MAPK10: variants seen among roughly 807,000 people sequenced by gnomAD.
MAPK10 encodes the protein JNK3 alpha protein kinase.
MAPK10 carries 25 observed loss-of-function variants against 59.3 expected under a neutral mutation model. That is an observed-to-expected ratio of 0.42 (90% CI 0.31 to 0.59). The LOEUF is 0.59. Ranked by LOEUF, MAPK10 falls within the 20% of genes least tolerant of loss-of-function variation. The pLI is 0.15. For synonymous variants in MAPK10, 190 were observed against 200.5 expected, an observed-to-expected ratio of 0.95 and a Z score of 0.44; for missense variants, 351 against 568.9, an observed-to-expected ratio of 0.62 and a Z score of 3.90.
chr4:86,306,430 T>A (rs1385959128), intron 2 of MAPK10, among the ~76,000 whole-genome samples: 1 of 152,226 alleles, frequency 6.6e-6, no homozygotes, highest in Non-Finnish European at 1.5e-5. Flanking sequence ...TGCACATTTC[T>A]TGCAAGTATC....
chr4:86,279,513 T>C (rs1172010572), intron 2 of MAPK10, among the ~76,000 whole-genome samples: 1 of 152,144 alleles, frequency 6.6e-6, no homozygotes, highest in African/African-American at 2.4e-5. Context: ...TAAAAATAAA[T>C]GAGTTAATAT....
At chr4:86,225,408 G>A (rs1398520621) in intron 2 of MAPK10, among the ~76,000 whole-genome samples, 2 of 152,176 alleles carry the variant, frequency 1.3e-5, no homozygotes, top group African/African-American at 4.8e-5. Flanking sequence ...GTCACAATCT[G>A]TTGCTGTAGG....
intron 9 of MAPK10, among the ~76,000 whole-genome samples, chr4:86,087,396 G>A (rs183947076): frequency 5.9e-5 from 9 of 152,110 alleles, no homozygotes; most frequent in Non-Finnish European, 1.2e-4. Flanking sequence ...ATGCCCAAAG[G>A]CCAAACACAA....
At chr4:86,421,768 T>C (rs1438554098) in intron 1 of MAPK10, among the ~76,000 whole-genome samples, 1 of 151,942 alleles carries the variant, frequency 6.6e-6, no homozygotes, top group East Asian at 1.9e-4. Flanking sequence ...CCAGAGTGAG[T>C]TTTTAAAAGC....
chr4:86,424,011 T>C (rs1746930354), intron 1 of MAPK10, among the ~76,000 whole-genome samples: 1 of 151,930 alleles, frequency 6.6e-6, no homozygotes, highest in Admixed American at 6.6e-5. Context: ...GAAGTGCCTG[T>C]AAGAGATCAT....
At chr4:86,167,028 T>G (rs1339246736) in intron 3 of MAPK10, among the ~76,000 whole-genome samples, 1 of 151,838 alleles carries the variant, frequency 6.6e-6, no homozygotes, top group Non-Finnish European at 1.5e-5. Context: ...AATAAAAAAG[T>G]GATAAAGGGG....
At chr4:86,479,728 A>G (rs965223422) in intron 1 of MAPK10, among the ~76,000 whole-genome samples, 5 of 152,114 alleles carry the variant, frequency 3.3e-5, no homozygotes, top group Admixed American at 2.0e-4. Context: ...TAGATGTCCT[A>G]GGTCCTCCCA....
At chr4:86,533,298 G>A (rs953170571) in intron 1 of MAPK10, among the ~76,000 whole-genome samples, 1 of 152,044 alleles carries the variant, frequency 6.6e-6, no homozygotes, top group African/African-American at 2.4e-5. Flanking sequence ...TTTCAGCATG[G>A]GATGAAGAAA....
intron 1 of MAPK10, among the ~76,000 whole-genome samples, chr4:86,398,088 G>T (rs1341753178): frequency 3.3e-5 from 5 of 151,976 alleles, no homozygotes; most frequent in Non-Finnish European, 7.4e-5. Flanking sequence ...GGTGAGAAGA[G>T]ACAGGCGCAC....
chr4:86,526,907 A>T (rs1283957328), intron 1 of MAPK10, among the ~76,000 whole-genome samples: 2 of 152,096 alleles, frequency 1.3e-5, no homozygotes, highest in East Asian at 3.9e-4. Context: ...TTTTTATTCC[A>T]CTCTGGGCCA....
At chr4:86,180,687 T>A (rs1159478866) in intron 3 of MAPK10, among the ~76,000 whole-genome samples, 1 of 152,008 alleles carries the variant, frequency 6.6e-6, no homozygotes. Context: ...AATGAAATCC[T>A]GTCATTCTCA....
At chr4:86,184,082 C>T (rs919389966) in intron 3 of MAPK10, among the ~76,000 whole-genome samples, 69 of 152,206 alleles carry the variant, frequency 4.5e-4, no homozygotes, top group Admixed American at 1.4e-3. Flanking sequence ...TTCTCCCATT[C>T]TGTAGGTTGC....
At chr4:86,397,757 C>T (rs1308825646) in intron 1 of MAPK10, among the ~76,000 whole-genome samples, 1 of 147,066 alleles carries the variant, frequency 6.8e-6, no homozygotes, top group African/African-American at 2.5e-5. Flanking sequence ...TCAATCTATT[C>T]AAATTTATTC....
chr4:86,302,898 GCCA>G lies in MAPK10; in HGVS notation c.-7+51629_-7+51631del, dbSNP rs2095496010. Among the ~76,000 whole-genome samples, 3 of 152,228 alleles carry G rather than the reference GCCA, an allele frequency of 2.0e-5. No individual in the cohort carries two copies. The East Asian group carries it at 5.8e-4, about 29-fold the overall frequency. Reference sequence around the variant, plus strand: ...TTACAAATTCACAGTGAGGATTCATGCCACTGTTTAATTTTATTTCAAGCCACA... The same window carrying G: ...TTACAAATTCACAGTGAGGATTCATGCTGTTTAATTTTATTTCAAGCCACA... On this transcript the variant is annotated intron_variant, in intron 2 of 13. Coordinates refer to ENST00000641462, the MANE Select transcript of MAPK10 (RefSeq NM_138982.4).
intron 1 of MAPK10, among the ~76,000 whole-genome samples, chr4:86,426,214 A>T (rs1315027566): frequency 6.6e-6 from 1 of 152,268 alleles, no homozygotes; most frequent in East Asian, 1.9e-4. Context: ...ACAACGCTAA[A>T]ATTTTCCTTT....
intron 2 of MAPK10, chr4:86,268,316 A>G (rs1003828046): frequency 3.3e-5 from 5 of 152,240 alleles, no homozygotes; most frequent in Non-Finnish European, 5.9e-5. Context: ...TTACTGTGAC[A>G]TCTTGATTCC....
chr4:86,418,883 A>G (rs1746166966), intron 1 of MAPK10, among the ~76,000 whole-genome samples: 1 of 152,202 alleles, frequency 6.6e-6, no homozygotes, highest in South Asian at 2.1e-4. Context: ...ACCTGGATGG[A>G]GTTGGAGACC....
intron 1 of MAPK10, among the ~76,000 whole-genome samples, chr4:86,365,340 G>A (rs898273377): frequency 2.7e-5 from 4 of 147,148 alleles, no homozygotes; most frequent in African/African-American, 1.0e-4. Flanking sequence ...GCTGAGGCAG[G>A]AGAATCGCTT....
intron 3 of MAPK10, chr4:86,160,196 G>A (rs987678318): frequency 5.3e-5 from 8 of 151,454 alleles, no homozygotes; most frequent in Admixed American, 4.0e-4. Flanking sequence ...TGATGAGTCT[G>A]TCTTTAAAAT....
Sources: gnomAD v4.1 joint callset for allele counts (sites outside exome capture counted in the v4.1 genomes callset) on GRCh38, gnomAD v4.1.1 for gene constraint, MANE v1.5 for transcripts, NCBI Gene and HGNC (gene_info 2026-07-23, HGNC 2026-07-21) for gene names.